Variants in PCDH9 observed in about 807,000 individuals in gnomAD.
PCDH9 encodes the protein protocadherin 9.
PCDH9 carries 24 observed loss-of-function variants against 70.6 expected under a neutral mutation model. The ratio of observed to expected loss-of-function variants is 0.34; its 90% CI spans 0.25 to 0.48. The LOEUF (loss-of-function observed/expected upper bound fraction) is 0.48, where lower values mean the gene tolerates loss of function less well. PCDH9 is among the 20% of genes least tolerant of loss of function. PCDH9 has a pLI of 0.99. For missense variants in PCDH9, 1,281 were observed against 1,503.6 expected, an observed-to-expected ratio of 0.85 and a Z score of 2.45; for synonymous variants, 562 against 558.5, an observed-to-expected ratio of 1.01 and a Z score of -0.09.
intron 4 of PCDH9, among the ~76,000 whole-genome samples, chr13:66,604,740 T>C (rs2077202389): frequency 6.6e-6 from 1 of 152,066 alleles, no homozygotes; most frequent in Non-Finnish European, 1.5e-5. Context: ...AAATCATAAA[T>C]ATCTTTTCAA....
chr13:67,065,376 A>AATT (rs776794414), intron 2 of PCDH9, among the ~76,000 whole-genome samples: 15 of 152,208 alleles, frequency 9.9e-5, no homozygotes, highest in Non-Finnish European at 1.9e-4. Context: ...CTTCTACTTA[A>AATT]AGGTGCAATT....
chr13:66,745,417 G>A (rs1278355657), intron 3 of PCDH9, among the ~76,000 whole-genome samples: 2 of 152,126 alleles, frequency 1.3e-5, no homozygotes, highest in African/African-American at 2.4e-5. Flanking sequence ...TTCAACAAAT[G>A]GTAAATTGCG....
Position 66,304,275 on chromosome 13 carries a change from A to AG in PCDH9, c.*379_*380insC, listed in dbSNP as rs1955422500. 6 of 162,090 alleles carry AG rather than the reference A, an allele frequency of 3.7e-5. No homozygotes were observed. The South Asian group carries it at 1.1e-3, about 29-fold the overall frequency. 10.0% of individuals were successfully genotyped at this position (162,090 alleles called of 1,614,324 possible). A position where few individuals can be genotyped will look rare whatever the true frequency, so the allele number is the denominator to read the frequency against. On this transcript the variant is annotated 3_prime_UTR_variant, in exon 5 of 5. Coordinates refer to ENST00000377865, the MANE Select transcript of PCDH9 (RefSeq NM_203487.3). ...AAATCAATGACAAAAAAAAAAAAAA[A>AG]AAAAAAAAAAAGCACAATTTTCTAA...
intron 4 of PCDH9, among the ~76,000 whole-genome samples, chr13:66,610,225 G>A (rs575945649): frequency 1.3e-5 from 2 of 151,960 alleles, no homozygotes; most frequent in Middle Eastern, 3.4e-3. Flanking sequence ...GAAAGAGAGA[G>A]AACAGGGGTA....
At chr13:66,627,595 G>A (rs1566466099) in intron 4 of PCDH9, among the ~76,000 whole-genome samples, 2 of 152,044 alleles carry the variant, frequency 1.3e-5, no homozygotes, top group South Asian at 4.1e-4. Context: ...AGGGCCTCTC[G>A]CTTCTCCACT....
chr13:66,922,079 A>G (rs767518506), intron 2 of PCDH9, among the ~76,000 whole-genome samples: 24 of 151,324 alleles, frequency 1.6e-4, no homozygotes, highest in Non-Finnish European at 3.6e-4. Context: ...ATTTATTTTC[A>G]TAAAGATAAA....
chr13:66,365,504 A>T (rs570807407), intron 4 of PCDH9, among the ~76,000 whole-genome samples: 2 of 152,220 alleles, frequency 1.3e-5, no homozygotes, highest in African/African-American at 4.8e-5. Context: ...ACAGAAGCAC[A>T]TCTCATCAGA....
At chr13:67,177,619 T>C (rs183569920) in intron 2 of PCDH9, among the ~76,000 whole-genome samples, 10 of 152,090 alleles carry the variant, frequency 6.6e-5, no homozygotes, top group Non-Finnish European at 1.3e-4. Flanking sequence ...CTGTGCATAA[T>C]GCTTGAATAT....
At chr13:67,145,467 A>G (rs1037616966) in intron 2 of PCDH9, among the ~76,000 whole-genome samples, 1 of 152,018 alleles carries the variant, frequency 6.6e-6, no homozygotes, top group African/African-American at 2.4e-5. Flanking sequence ...CTTAATTAAG[A>G]CAAAGTATGA....
chr13:66,972,448 T>C (rs1924311), intron 2 of PCDH9, among the ~76,000 whole-genome samples: 30,175 of 151,896 alleles, frequency 0.2, 3,385 homozygotes, highest in East Asian at 0.35. Context: ...TTTCTTAACT[T>C]GCATTATAAC....
At chr13:66,612,236 A>G (rs1256926858) in intron 4 of PCDH9, among the ~76,000 whole-genome samples, 3 of 152,218 alleles carry the variant, frequency 2.0e-5, no homozygotes, top group African/African-American at 2.4e-5. Context: ...CAAAAGGACC[A>G]CTAAACAACA....
chr13:66,437,404 C>A (rs1483925318), intron 4 of PCDH9, among the ~76,000 whole-genome samples: 87 of 45,578 alleles, frequency 1.9e-3, no homozygotes, highest in East Asian at 4.6e-3. Flanking sequence ...GACTCTGTCT[C>A]AAAAAAAAAA....
rs2087262241 is a variant in PCDH9, at chr13:67,137,452, G to A, written c.3036+87953C>T. 5.9e-5 allele frequency among the ~76,000 whole-genome samples: 9 copies of A among 152,222 alleles called. 1 individual carries two copies. In the South Asian group the frequency reaches 1.9e-3, roughly 32 times the overall value. ...GTAAAAACTTTGGGGTGATCCTCGT[G>A]CCTCCATCATAAAGATGAAAATATA... On this transcript the variant is annotated intron_variant, in intron 2 of 4. Transcript: ENST00000377865.
At chr13:66,744,893 A>T (rs1416997078) in intron 3 of PCDH9, among the ~76,000 whole-genome samples, 1 of 152,142 alleles carries the variant, frequency 6.6e-6, no homozygotes, top group African/African-American at 2.4e-5. Context: ...ATTACTTGTA[A>T]ATATCTCAGA....
At chr13:67,141,431 C>T (rs1002697283) in intron 2 of PCDH9, among the ~76,000 whole-genome samples, 1 of 151,594 alleles carries the variant, frequency 6.6e-6, no homozygotes, top group Non-Finnish European at 1.5e-5. Flanking sequence ...CTCTCTCTCT[C>T]TCTTTATTTT....
chr13:66,312,431 T>G (rs1236119717), intron 4 of PCDH9, among the ~76,000 whole-genome samples: 1 of 151,986 alleles, frequency 6.6e-6, no homozygotes, highest in Non-Finnish European at 1.5e-5. Flanking sequence ...GACAACACGG[T>G]GAAACACCGG....
intron 3 of PCDH9, among the ~76,000 whole-genome samples, chr13:66,837,477 G>T (rs986204667): frequency 1.3e-5 from 2 of 152,156 alleles, no homozygotes; most frequent in African/African-American, 4.8e-5. Context: ...CACGACCGCT[G>T]CGTTCCTCTG....
At chr13:66,985,515 T>A (rs893381981) in intron 2 of PCDH9, 1 of 152,110 alleles carries the variant, frequency 6.6e-6, no homozygotes, top group South Asian at 2.1e-4. Flanking sequence ...AAATTTCAGA[T>A]GGTAACAAGC....
chr13:66,435,192 T>A (rs1208027584), intron 4 of PCDH9, among the ~76,000 whole-genome samples: 2 of 152,158 alleles, frequency 1.3e-5, no homozygotes, highest in African/African-American at 4.8e-5. Context: ...TATTCATTAT[T>A]TAAAACAGGA....
Sources: allele counts gnomAD v4.1 joint callset (sites outside exome capture counted in the v4.1 genomes callset), GRCh38; gene constraint gnomAD v4.1.1; transcripts MANE v1.5; gene names NCBI Gene and HGNC (gene_info 2026-07-23, HGNC 2026-07-21).